CAMK4: variants seen among roughly 807,000 people sequenced by gnomAD.
CAMK4 encodes the protein calcium/calmodulin dependent protein kinase IV.
In CAMK4, 22 loss-of-function variants were observed where a neutral mutation model predicts 44.9. The observed-to-expected ratio is 0.49, with a 90% CI of 0.35 to 0.70. The LOEUF is 0.70. Ranked by LOEUF, CAMK4 falls within the 30% of genes least tolerant of loss-of-function variation. The probability of loss-of-function intolerance (pLI) is 0.01; values close to 1 mark genes in which losing one functional copy is unlikely to be tolerated. For missense variants in CAMK4, 498 were observed against 586.8 expected (o/e 0.85, Z 1.56); for synonymous variants, 218 against 215.4 (o/e 1.01, Z -0.11).
At chr5:111,287,496 AATG>A (rs976875431) in intron 1 of CAMK4, among the ~76,000 whole-genome samples, 3 of 152,214 alleles carry the variant, frequency 2.0e-5, no homozygotes, top group Non-Finnish European at 2.9e-5. Context: ...TAATACTGTC[AATG>A]ATGATTTAAA....
chr5:111,272,351 G>T (rs192831713), intron 1 of CAMK4, among the ~76,000 whole-genome samples: 1 of 152,072 alleles, frequency 6.6e-6, no homozygotes, highest in Non-Finnish European at 1.5e-5. Context: ...CTACAGAAAG[G>T]AGAACCACCA....
chr5:111,394,772 A>G lies in CAMK4; in HGVS notation c.449A>G (p.Glu150Gly). The change falls in exon 5 of 11, where the codon GAG becomes GGG. Residue 150 changes from glutamate (E) to glycine (G), a missense_variant. This residue lies in a region of CAMK4 where 203 missense variants were observed against 298.2 expected (regional missense o/e 0.68). Coordinates refer to ENST00000282356, the MANE Select transcript of CAMK4 (RefSeq NM_001744.6). ...GCAGATGCCGTTAAACAAATCCTGG[A>G]GGCAGTTGCTGTAAGTATGAAGTAA... Reference protein sequence around the residue: ...DAADAVKQILEAVAYLHENGI... With the variant: ...DAADAVKQILGAVAYLHENGI... 2 of 1,608,738 alleles carry G rather than the reference A, an allele frequency of 1.2e-6. No homozygotes were observed. Among genetic ancestry groups the G allele is most frequent in the Non-Finnish European group, 1.7e-6 (2 of 1,175,380 alleles).
rs540561589 is a variant in CAMK4 at position 111,394,810 on chromosome 5, A to G, written c.459+28A>G. 1 of 1,392,130 alleles carries G rather than the reference A, an allele frequency of 7.2e-7. No individual in the cohort carries two copies. Among genetic ancestry groups the G allele is most frequent in the South Asian group, 1.2e-5 (1 of 85,848 alleles). 86.2% of individuals were successfully genotyped at this position (1,392,130 alleles called of 1,614,324 possible). On this transcript the variant is annotated intron_variant, in intron 5 of 10. Coordinates refer to ENST00000282356, the MANE Select transcript of CAMK4 (RefSeq NM_001744.6). ...AAGTATGAAGTAACAGCAATGGTGT[A>G]ACTCTTAGTCATCTCTTCCTTTTAC...
chr5:111,313,942 A>G (rs576489009), intron 1 of CAMK4, among the ~76,000 whole-genome samples: 1 of 152,238 alleles, frequency 6.6e-6, no homozygotes, highest in East Asian at 1.9e-4. Context: ...ACTTTTTGCA[A>G]TAATTTGTAT....
chr5:111,391,042 T>A (rs1445615537), intron 4 of CAMK4, among the ~76,000 whole-genome samples: 1 of 152,186 alleles, frequency 6.6e-6, no homozygotes, highest in Admixed American at 6.6e-5. Flanking sequence ...TCCAAATTTC[T>A]GAAAAGTACA....
At chr5:111,460,187 T>C (rs1580783175) in intron 7 of CAMK4, among the ~76,000 whole-genome samples, 1 of 152,032 alleles carries the variant, frequency 6.6e-6, no homozygotes, top group Middle Eastern at 3.4e-3. Context: ...TTTGCAAGAA[T>C]TATTATTGAT....
chr5:111,270,617 CT>C (rs1433652544), intron 1 of CAMK4, among the ~76,000 whole-genome samples: 1 of 152,182 alleles, frequency 6.6e-6, no homozygotes, highest in African/African-American at 2.4e-5. Flanking sequence ...CAGCTTACCC[CT>C]ATTCCCTTCC....
At chr5:111,472,095 A>AT (rs1446129910) in intron 7 of CAMK4, among the ~76,000 whole-genome samples, 2 of 151,916 alleles carry the variant, frequency 1.3e-5, no homozygotes, top group Non-Finnish European at 2.9e-5. Context: ...GGGTTTCACC[A>AT]TGTTGGCCAG....
chr5:111,291,880 T>G (rs1043773264), intron 1 of CAMK4, among the ~76,000 whole-genome samples: 1 of 152,216 alleles, frequency 6.6e-6, no homozygotes, highest in African/African-American at 2.4e-5. Flanking sequence ...TTTGAAATTA[T>G]ACTTTTCACT....
At chr5:111,315,917 T>C (rs1182395073) in intron 1 of CAMK4, among the ~76,000 whole-genome samples, 2 of 152,098 alleles carry the variant, frequency 1.3e-5, no homozygotes, top group African/African-American at 4.8e-5. Flanking sequence ...AAATCTAGGA[T>C]TGAAGTTACA....
At chr5:111,342,441 G>T (rs370061284) in intron 1 of CAMK4, among the ~76,000 whole-genome samples, 1 of 151,358 alleles carries the variant, frequency 6.6e-6, no homozygotes, top group Non-Finnish European at 1.5e-5. Context: ...TATGGTTAGG[G>T]TTTGTGTAGT....
intron 2 of CAMK4, among the ~76,000 whole-genome samples, chr5:111,370,156 A>G (rs937763502): frequency 6.6e-6 from 1 of 152,188 alleles, no homozygotes; most frequent in Non-Finnish European, 1.5e-5. Context: ...ATGTTTTCAT[A>G]GAAAAATTAA....
In CAMK4 at chr5:111,308,104, G is replaced by T. The variant is rs1457363222; in HGVS notation, c.162-35920G>T. 1.9e-3 allele frequency among the ~76,000 whole-genome samples: 215 copies of T among 113,792 alleles called. 2 individuals carry two copies. Among genetic ancestry groups the T allele is most frequent in the African/African-American group, 7.3e-3 (199 of 27,358 alleles). The allele number at this position is 113,792 out of a possible 152,430, so 74.7% of individuals were successfully genotyped here. A position where few individuals can be genotyped will look rare whatever the true frequency, so the allele number is the denominator to read the frequency against. On this transcript the variant is annotated intron_variant, in intron 1 of 10. Coordinates refer to ENST00000282356, the MANE Select transcript of CAMK4 (RefSeq NM_001744.6). ...ATCACACTCTGGGGACTGTGGTGGG[G>T]TCGGGGGAGGGGGGAGGGATAGCAT... is the stretch of plus-strand genomic sequence containing the variant.
At chr5:111,247,250 CAT>C (rs1180435519) in intron 1 of CAMK4, among the ~76,000 whole-genome samples, 54 of 149,624 alleles carry the variant, frequency 3.6e-4, no homozygotes, top group African/African-American at 1.2e-3. Context: ...CATACACACA[CAT>C]TGATTCATTT....
intron 1 of CAMK4, among the ~76,000 whole-genome samples, chr5:111,259,835 T>A (rs1749903616): frequency 6.6e-6 from 1 of 152,138 alleles, no homozygotes; most frequent in South Asian, 2.1e-4. Flanking sequence ...TTTTTATAGA[T>A]CATTAACAAC....
At chr5:111,260,789 G>A (rs2591589) in intron 1 of CAMK4, among the ~76,000 whole-genome samples, 151,304 of 152,288 alleles carry the variant, frequency 0.99, 75,167 homozygotes, top group Middle Eastern at 1. Flanking sequence ...CCCTACTGCT[G>A]CTATCTTCAT....
intron 7 of CAMK4, among the ~76,000 whole-genome samples, chr5:111,469,692 TC>T (rs752018129): frequency 1.1e-4 from 16 of 152,038 alleles, no homozygotes; most frequent in Non-Finnish European, 2.1e-4. Context: ...ACAGGATGAG[TC>T]CCCATAGGGC....
intron 1 of CAMK4, among the ~76,000 whole-genome samples, chr5:111,293,371 T>A (rs1747352419): frequency 6.6e-6 from 1 of 152,180 alleles, no homozygotes; most frequent in African/African-American, 2.4e-5. Flanking sequence ...TATATAAACT[T>A]TTGAAGGAAA....
chr5:111,424,354 A>C (rs1459453476), intron 5 of CAMK4, among the ~76,000 whole-genome samples: 1 of 152,164 alleles, frequency 6.6e-6, no homozygotes, highest in Non-Finnish European at 1.5e-5. Flanking sequence ...GCCTTAGTGA[A>C]AGAGAATCAC....
Sources: gnomAD v4.1 joint callset for allele counts (sites outside exome capture counted in the v4.1 genomes callset) on GRCh38, gnomAD v4.1.1 for gene constraint, gnomAD v4.1.1 regional missense constraint, MANE v1.5 for transcripts, NCBI Gene and HGNC (gene_info 2026-07-23, HGNC 2026-07-21) for gene names.